Variants in LRP1B observed in about 807,000 individuals in gnomAD.
LRP1B encodes LDL receptor related protein 1B.
LRP1B carries 217 observed loss-of-function variants against 556.6 expected under a neutral mutation model. That is an observed-to-expected ratio of 0.39 (90% CI 0.35 to 0.44). LRP1B has a LOEUF of 0.44. LRP1B is among the 20% of genes least tolerant of loss of function. The pLI, the probability that LRP1B is intolerant of heterozygous loss-of-function variation, is 1.00. For synonymous variants in LRP1B, 2,047 were observed against 1,865.8 expected (o/e 1.10, Z -2.50); for missense variants, 5,053 against 5,620.8 (o/e 0.90, Z 3.23).
At chr2:140,924,986 A>C (rs1694845205) in intron 20 of LRP1B, among the ~76,000 whole-genome samples, 1 of 152,124 alleles carries the variant, frequency 6.6e-6, no homozygotes, top group Non-Finnish European at 1.5e-5. Context: ...AAAAGAAAAC[A>C]AGAAATAGGA....
intron 1 of LRP1B, among the ~76,000 whole-genome samples, chr2:142,006,579 T>C (rs1702807741): frequency 6.6e-6 from 1 of 152,212 alleles, no homozygotes; most frequent in African/African-American, 2.4e-5. Flanking sequence ...GATTATCCAT[T>C]CTGTAACCTG....
At chr2:140,837,805 AG>A (rs924190345) in intron 31 of LRP1B, among the ~76,000 whole-genome samples, 10 of 139,030 alleles carry the variant, frequency 7.2e-5, no homozygotes, top group Non-Finnish European at 1.4e-4. Context: ...GGGTGGGGGG[AG>A]GGGGGAAGGA....
intron 7 of LRP1B, among the ~76,000 whole-genome samples, chr2:141,063,624 T>TC (rs1224579680): frequency 3.3e-5 from 5 of 151,644 alleles, no homozygotes; most frequent in Non-Finnish European, 5.9e-5. Flanking sequence ...GCGTTCCCTC[T>TC]CCCCCTCCGT....
At chr2:140,458,130 T>C (rs1479649429) in intron 60 of LRP1B, among the ~76,000 whole-genome samples, 1 of 152,042 alleles carries the variant, frequency 6.6e-6, no homozygotes, top group Non-Finnish European at 1.5e-5. Flanking sequence ...CTGGAAGAAA[T>C]GTGTCTACTA....
At chr2:140,262,176 T>C (rs963912981) in intron 86 of LRP1B, among the ~76,000 whole-genome samples, 1 of 151,988 alleles carries the variant, frequency 6.6e-6, no homozygotes, top group African/African-American at 2.4e-5. Context: ...CTTGGGAAAA[T>C]AGAAGCTAGA....
chr2:141,955,692 G>A (rs1207600495), intron 1 of LRP1B, among the ~76,000 whole-genome samples: 1 of 152,002 alleles, frequency 6.6e-6, no homozygotes, highest in Non-Finnish European at 1.5e-5. Context: ...TCCTGAGTCA[G>A]CTCACATCGC....
At chr2:140,291,820 T>C (rs965980217) in intron 84 of LRP1B, among the ~76,000 whole-genome samples, 3 of 152,180 alleles carry the variant, frequency 2.0e-5, no homozygotes, top group Non-Finnish European at 4.4e-5. Context: ...TTTGGGTATA[T>C]ACCCAGTAAT....
intron 32 of LRP1B, 72 bp from the exon 33 acceptor site, chr2:140,776,310 A>T: frequency 1.1e-6 from 1 of 943,382 alleles, no homozygotes; most frequent in East Asian, 3.2e-5. Context: ...TACTTACTAA[A>T]CTATAATACT....
chr2:140,416,380 G>T (rs530588438), intron 66 of LRP1B, among the ~76,000 whole-genome samples: 1 of 152,272 alleles, frequency 6.6e-6, no homozygotes, highest in Non-Finnish European at 1.5e-5. Flanking sequence ...CAGAGGCCAG[G>T]AGTGGTGGTT....
intron 32 of LRP1B, among the ~76,000 whole-genome samples, chr2:140,785,170 A>C (rs1025501541): frequency 6.6e-6 from 1 of 152,166 alleles, no homozygotes; most frequent in South Asian, 2.1e-4. Flanking sequence ...TTTGATACCA[A>C]ATTATTTCCA....
chr2:141,474,047 T>TTCCTTC (rs1682604473), intron 3 of LRP1B, among the ~76,000 whole-genome samples: 1 of 114,550 alleles, frequency 8.7e-6, no homozygotes. Flanking sequence ...TTCCTTCCTT[T>TTCCTTC]CCTTCCTTCC....
At chr2:141,478,182 C>T (rs1682782048) in intron 3 of LRP1B, among the ~76,000 whole-genome samples, 1 of 152,108 alleles carries the variant, frequency 6.6e-6, no homozygotes, top group Non-Finnish European at 1.5e-5. Flanking sequence ...CCCTTTTATG[C>T]TATTAACATA....
chr2:141,596,925 A>T (rs1244875409), intron 2 of LRP1B, among the ~76,000 whole-genome samples: 1 of 151,996 alleles, frequency 6.6e-6, no homozygotes, highest in African/African-American at 2.4e-5. Context: ...TTATTTTATG[A>T]ACATTACCAA....
chr2:140,443,999 C>T (rs573811828), intron 65 of LRP1B, among the ~76,000 whole-genome samples: 2 of 152,186 alleles, frequency 1.3e-5, no homozygotes, highest in South Asian at 2.1e-4. Context: ...TTACTTGTAT[C>T]TACTTAATAT....
chr2:141,285,795 G>A (rs1408864640), intron 3 of LRP1B, among the ~76,000 whole-genome samples: 4 of 147,004 alleles, frequency 2.7e-5, no homozygotes, highest in Non-Finnish European at 4.5e-5. Context: ...GGCCGGGCGC[G>A]GTGGCTCACG....
At chr2:140,699,561 A>G (rs777321176) in intron 41 of LRP1B, among the ~76,000 whole-genome samples, 19 of 151,814 alleles carry the variant, frequency 1.3e-4, no homozygotes, top group Middle Eastern at 3.4e-3. Flanking sequence ...GAAGAATGGG[A>G]AATATATGGA....
chr2:140,645,533 C>CTTTTTTTT (rs36082249), intron 41 of LRP1B, among the ~76,000 whole-genome samples: 100 of 81,230 alleles, frequency 1.2e-3, no homozygotes, highest in Non-Finnish European at 1.3e-3. Context: ...TGCCAATATT[C>CTTTTTTTT]TTTTTTTTTT....
chr2:140,771,029 A>G (rs1573695275), intron 33 of LRP1B, 23 bp from the exon 34 acceptor site: 1 of 1,533,354 alleles, frequency 6.5e-7, no homozygotes, highest in Non-Finnish European at 8.7e-7. Flanking sequence ...AAAATGAAAC[A>G]AATTTCTTTA....
chr2:141,916,872 C>A (rs1700050203), intron 1 of LRP1B, among the ~76,000 whole-genome samples: 1 of 152,096 alleles, frequency 6.6e-6, no homozygotes, highest in African/African-American at 2.4e-5. Context: ...CAGCACCACA[C>A]AATATACCCA....
Sources: allele counts gnomAD v4.1 joint callset (sites outside exome capture counted in the v4.1 genomes callset), GRCh38; gene constraint gnomAD v4.1.1; transcripts MANE v1.5; gene names NCBI Gene and HGNC (gene_info 2026-07-23, HGNC 2026-07-21).